HSD17B4: variants seen among roughly 807,000 people sequenced by gnomAD.
The protein encoded by HSD17B4 is peroxisomal multifunctional enzyme type 2.
In HSD17B4, 70 loss-of-function variants were observed where a neutral mutation model predicts 101.0. That is an observed-to-expected ratio of 0.69 (90% CI 0.57 to 0.85). HSD17B4 has a LOEUF of 0.85. HSD17B4 is among the 40% of genes least tolerant of loss of function. HSD17B4 has a pLI of 0.00. For missense variants in HSD17B4, 984 were observed against 892.4 expected (o/e 1.10, Z -1.31); for synonymous variants, 347 against 297.1 (o/e 1.17, Z -1.73).
rs1361362485 is a variant in HSD17B4 at position 119,476,646 on chromosome 5, AAAG to A, written c.350-767_350-765del. 8 of 985,332 alleles carry A rather than the reference AAAG, an allele frequency of 8.1e-6. No individual in the cohort carries two copies. In the East Asian group the frequency reaches 9.1e-4, roughly 112 times the overall value. 61.0% of individuals were successfully genotyped at this position (985,332 alleles called of 1,614,324 possible). A position where few individuals can be genotyped will look rare whatever the true frequency, so the allele number is the denominator to read the frequency against. ...CTTCCCTTGTAACAACTGGGGTAAA[AAAG>A]AAGCTGAGAAAGATAGGATTTGCTG... On this transcript the variant is annotated intron_variant, in intron 6 of 23. Transcript: ENST00000510025.
chr5:119,488,100 T>C (rs1749769705), intron 8 of HSD17B4, among the ~76,000 whole-genome samples: 1 of 152,184 alleles, frequency 6.6e-6, no homozygotes, highest in Admixed American at 6.5e-5. Flanking sequence ...TTTGATCTTT[T>C]AGATAAAATT....
chr5:119,478,528 T>C (rs1234414592), intron 7 of HSD17B4, among the ~76,000 whole-genome samples: 2 of 152,178 alleles, frequency 1.3e-5, no homozygotes, highest in Non-Finnish European at 2.9e-5. Flanking sequence ...AACTGTTCGA[T>C]TTAATATTTC....
At chr5:119,458,849 G>C (rs1210510198) in intron 2 of HSD17B4, among the ~76,000 whole-genome samples, 1 of 151,914 alleles carries the variant, frequency 6.6e-6, no homozygotes, top group African/African-American at 2.4e-5. Context: ...TTCTTAAGTA[G>C]GTTATTGGGA....
At chr5:119,503,403 T>A (rs1751364064) in intron 14 of HSD17B4, among the ~76,000 whole-genome samples, 1 of 152,180 alleles carries the variant, frequency 6.6e-6, no homozygotes, top group Admixed American at 6.5e-5. Flanking sequence ...GTTATATTTC[T>A]CATGAATTAT....
intron 23 of HSD17B4, 140 bp downstream of exon 23, chr5:119,536,690 C>T (rs1056726937): frequency 1.2e-5 from 9 of 760,672 alleles, no homozygotes; most frequent in Non-Finnish European, 2.0e-5. Context: ...GCTACTGATA[C>T]TCTGGTTGAC....
chr5:119,525,165 T>C (rs1753467381), intron 17 of HSD17B4, 51 bp from the exon 18 acceptor site: 1 of 1,232,322 alleles, frequency 8.1e-7, no homozygotes, highest in East Asian at 2.3e-5. Flanking sequence ...TTTCATTTAA[T>C]GTATTCTAAC....
chr5:119,453,044 C>T (rs1463172067), intron 1 of HSD17B4, among the ~76,000 whole-genome samples: 1 of 152,220 alleles, frequency 6.6e-6, no homozygotes, highest in African/African-American at 2.4e-5. Context: ...GAATTCGCCC[C>T]CTGAAGCGCA....
intron 15 of HSD17B4, among the ~76,000 whole-genome samples, chr5:119,508,713 C>A (rs1751890434): frequency 6.6e-6 from 1 of 152,198 alleles, no homozygotes; most frequent in Non-Finnish European, 1.5e-5. Flanking sequence ...ATCCTGCCCT[C>A]ATGTGGCTTA....
At chr5:119,458,843 T>TTTTTTTTTTTTTTTTTTTTTTTGAG (rs1423098964) in intron 2 of HSD17B4, among the ~76,000 whole-genome samples, 3 of 152,216 alleles carry the variant, frequency 2.0e-5, no homozygotes, top group African/African-American at 7.2e-5. Context: ...GTGCATTTCT[T>TTTTTTTTTTTTTTTTTTTTTTTGAG]AAGTAGGTTA....
intron 2 of HSD17B4, among the ~76,000 whole-genome samples, chr5:119,459,020 C>T (rs865779194): frequency 1.3e-5 from 2 of 152,172 alleles, no homozygotes; most frequent in Admixed American, 6.5e-5. Context: ...TGAAGTAACA[C>T]CTTTGGGTAA....
chr5:119,538,065 A>G (rs77313938), intron 23 of HSD17B4, among the ~76,000 whole-genome samples: 10,995 of 152,118 alleles, frequency 0.072, 968 homozygotes, highest in East Asian at 0.42. Context: ...CAGTGAGAGA[A>G]CCATCCCTCT....
At position 119,499,539 on chromosome 5, in the gene HSD17B4, A is replaced by G. The variant is rs1750965242; in HGVS notation, c.1195A>G (p.Ile399Val). 5.0e-6 allele frequency: 8 copies of G among 1,609,230 alleles called. No individual in the cohort carries two copies. In the African/African-American group the frequency reaches 5.3e-5, roughly 11 times the overall value. Reference protein sequence around the residue: ...GGLAEIPGLSINFAKVLHGEQ... With the variant: ...GGLAEIPGLSVNFAKVLHGEQ... ...ATTAGCAGAAATTCCTGGACTTTCAATCAACTTTGCAAAGGTATGCCTAAT... is the reference window on the plus strand; with the variant it reads ...ATTAGCAGAAATTCCTGGACTTTCAGTCAACTTTGCAAAGGTATGCCTAAT... Residue 399 changes from isoleucine (I) to valine (V), a missense_variant, in exon 13 of 24, where the codon ATC becomes GTC. Physicochemically the swap from Ile to Val is conservative, Grantham distance 29. Coordinates refer to ENST00000510025, the MANE Select transcript of HSD17B4 (RefSeq NM_000414.4).
intron 21 of HSD17B4, among the ~76,000 whole-genome samples, chr5:119,530,432 GT>G (rs1753966681): frequency 6.6e-6 from 1 of 151,906 alleles, no homozygotes. Flanking sequence ...TGATAAAAAT[GT>G]TTATATTCTA....
chr5:119,500,797 A>C (rs184161919), intron 13 of HSD17B4, among the ~76,000 whole-genome samples: 1 of 152,148 alleles, frequency 6.6e-6, no homozygotes, highest in East Asian at 1.9e-4. Context: ...GGTATTTGAG[A>C]AGCCAAATGA....
intron 20 of HSD17B4, among the ~76,000 whole-genome samples, chr5:119,528,199 C>T (rs936912412): frequency 6.6e-6 from 1 of 152,172 alleles, no homozygotes; most frequent in Middle Eastern, 3.4e-3. Flanking sequence ...ATAACTTGCT[C>T]ATGGTCACAC....
chr5:119,480,165 T>G (rs1026492650), intron 8 of HSD17B4, among the ~76,000 whole-genome samples: 8 of 152,224 alleles, frequency 5.3e-5, no homozygotes, highest in African/African-American at 1.9e-4. Context: ...TTCACATCTT[T>G]CACCCATTTT....
intron 11 of HSD17B4, among the ~76,000 whole-genome samples, chr5:119,495,198 A>G (rs1750518413): frequency 6.6e-6 from 1 of 152,150 alleles, no homozygotes; most frequent in Non-Finnish European, 1.5e-5. Context: ...TTATTCTATG[A>G]ATAACAGTCA....
chr5:119,467,418 GTCTA>G (rs1350831979), intron 2 of HSD17B4, among the ~76,000 whole-genome samples: 1 of 152,200 alleles, frequency 6.6e-6, no homozygotes, highest in Non-Finnish European at 1.5e-5. Context: ...TTGTGTTGAA[GTCTA>G]TCTTTCTCAT....
At chr5:119,473,191 A>C (rs1272082517) in intron 2 of HSD17B4, among the ~76,000 whole-genome samples, 1 of 138,160 alleles carries the variant, frequency 7.2e-6, no homozygotes, top group East Asian at 2.4e-4. Context: ...GATCGATCTT[A>C]TAGTAGTTTT....
Sources: allele counts gnomAD v4.1 joint callset (sites outside exome capture counted in the v4.1 genomes callset), GRCh38; gene constraint gnomAD v4.1.1; transcripts MANE v1.5; gene names NCBI Gene and HGNC (gene_info 2026-07-23, HGNC 2026-07-21).